DIXDC1: variants seen among roughly 807,000 people sequenced by gnomAD.
DIXDC1 encodes dixin.
DIXDC1 carries 64 observed loss-of-function variants against 103.1 expected under a neutral mutation model. The observed-to-expected ratio is 0.62, with a 90% CI of 0.51 to 0.76. DIXDC1 has a LOEUF of 0.76. Among genes scored for constraint, DIXDC1 ranks in the 30% least tolerant of loss-of-function variants. The probability of loss-of-function intolerance (pLI) is 0.00; values close to 1 mark genes in which losing one functional copy is unlikely to be tolerated. For synonymous variants in DIXDC1, 266 were observed against 298.5 expected (o/e 0.89, Z 1.12); for missense variants, 759 against 834.2 (o/e 0.91, Z 1.11).
upstream of DIXDC1, chr11:111,937,234 G>A (rs1471136213): frequency 1.0e-5 from 12 of 1,183,332 alleles, no homozygotes; most frequent in African/African-American, 1.6e-5. Flanking sequence ...GGGGCAGCCC[G>A]GCAGCGCCGC....
intron 5 of DIXDC1, 47 bp downstream of exon 5, chr11:111,975,030 C>A: frequency 6.4e-7 from 1 of 1,574,306 alleles, no homozygotes; most frequent in South Asian, 1.2e-5. Flanking sequence ...TCTCGGAGTT[C>A]TCGGCTTCAA....
At position 111,968,626 on chromosome 11, in the gene DIXDC1, A is replaced by C; in HGVS notation, c.304A>C (p.Thr102Pro). Reference protein sequence around the residue: ...VASKKIRMHQTSAKDIVDGNL... With the variant: ...VASKKIRMHQPSAKDIVDGNL... ...CTCTAAAAAGATTCGTATGCACCAG[A>C]CTTCGGCTAAAGGTCAGTGCCTCAT... The change falls in exon 3 of 20, where the codon ACT becomes CCT. Residue 102 changes from threonine (T) to proline (P), a missense_variant. By Grantham distance (38) the Thr-to-Pro change is conservative. Around this residue, in one of 3 missense-constraint regions of DIXDC1, gnomAD observed 657 missense variants for 727.5 expected, o/e 0.90. Coordinates refer to ENST00000440460, the MANE Select transcript of DIXDC1 (RefSeq NM_001037954.4). 10 of 1,609,024 alleles carry C rather than the reference A, an allele frequency of 6.2e-6. No homozygotes were observed. Among genetic ancestry groups the C allele is most frequent in the Non-Finnish European group, 8.5e-6 (10 of 1,177,546 alleles).
At position 112,017,676 on chromosome 11, in the gene DIXDC1, C is replaced by A; in HGVS notation, c.1863-101C>A. On this transcript the variant is annotated intron_variant, in intron 18 of 19. Transcript: ENST00000440460. The surrounding 1 kb of genome is among the most constrained non-coding windows in gnomAD (Gnocchi z 4.0). Reference sequence around the variant, plus strand: ...GCAGTGACCTAACAAGGGGCTATTTCTGCTTATTGACTTTGGCAGGGGGCT... The same window carrying A: ...GCAGTGACCTAACAAGGGGCTATTTATGCTTATTGACTTTGGCAGGGGGCT... The A allele has an allele frequency of 1.1e-6, 1 of 933,570 alleles. No homozygotes were observed. 57.8% of individuals were successfully genotyped at this position (933,570 alleles called of 1,614,324 possible).
intron 1 of DIXDC1, among the ~76,000 whole-genome samples, chr11:111,959,475 G>A (rs1859500683): frequency 6.6e-6 from 1 of 152,232 alleles, no homozygotes; most frequent in African/African-American, 2.4e-5. Context: ...CACAGTCAGT[G>A]TTTCTGGCTG....
chr11:111,988,173 G>GT (rs1183480728), intron 9 of DIXDC1, among the ~76,000 whole-genome samples: 2 of 151,722 alleles, frequency 1.3e-5, no homozygotes, highest in South Asian at 2.1e-4. Context: ...TAATTTTTGT[G>GT]TTTTTTGTAT....
In DIXDC1 at chr11:112,017,071, A is replaced by T. The variant is rs587696002; in HGVS notation, c.1862+275A>T. 6.6e-6 allele frequency among the ~76,000 whole-genome samples: 1 copy of T among 152,112 alleles called. No individual in the cohort carries two copies. The highest frequency in any genetic ancestry group is 1.9e-4 in the East Asian group (1 of 5,184). On this transcript the variant is annotated intron_variant, in intron 18 of 19. Coordinates refer to ENST00000440460, the MANE Select transcript of DIXDC1 (RefSeq NM_001037954.4). The surrounding 1 kb of genome is among the most constrained non-coding windows in gnomAD (Gnocchi z 4.0). ...TGCAAATATGGCTCTGCATTTGGGA[A>T]AATCTTTTTTTTTTTTTTTAAGTGT...
At chr11:111,982,306 A>G (rs781876375) in intron 6 of DIXDC1, 33 bp from the exon 7 acceptor site, 2 of 1,600,392 alleles carry the variant, frequency 1.2e-6, no homozygotes, top group Non-Finnish European at 8.5e-7. Context: ...GTTTTCTTCA[A>G]CATGAACTGT....
At chr11:112,008,144 AAAAG>A (rs1305190075) in intron 17 of DIXDC1, among the ~76,000 whole-genome samples, 111 of 151,886 alleles carry the variant, frequency 7.3e-4, no homozygotes, top group African/African-American at 2.6e-3. Context: ...AAAAAAAAAA[AAAAG>A]AAAAGCAGGG....
chr11:111,983,367 T>G (rs1860385395), intron 7 of DIXDC1, among the ~76,000 whole-genome samples: 1 of 152,212 alleles, frequency 6.6e-6, no homozygotes, highest in Non-Finnish European at 1.5e-5. Flanking sequence ...ATTGGTGCTG[T>G]GGCAAAGCAA....
rs140157600 is a variant in DIXDC1, at chr11:111,966,654, C to T, written c.191-1859C>T. 1.2e-4 allele frequency among the ~76,000 whole-genome samples: 18 copies of T among 152,256 alleles called. No homozygotes were observed. In the East Asian group the frequency reaches 2.7e-3, roughly 23 times the overall value. ...TCTTGACCTCGTGATCTGCCTGCCTCGGCCTCCCACAGTGCTGGGATTACA... is the reference window on the plus strand; with the variant it reads ...TCTTGACCTCGTGATCTGCCTGCCTTGGCCTCCCACAGTGCTGGGATTACA... On this transcript the variant is annotated intron_variant, in intron 2 of 19. Transcript: ENST00000440460.
chr11:111,965,469 G>A (rs962320071), intron 2 of DIXDC1, among the ~76,000 whole-genome samples: 2 of 152,180 alleles, frequency 1.3e-5, no homozygotes, highest in Admixed American at 6.5e-5. Flanking sequence ...TTGAGTTCTT[G>A]AGGGATATAG....
intron 17 of DIXDC1, among the ~76,000 whole-genome samples, chr11:112,010,459 G>A (rs1050945452): frequency 2.0e-5 from 3 of 152,120 alleles, no homozygotes; most frequent in African/African-American, 4.8e-5. Flanking sequence ...CTACTTTAAA[G>A]TTCATATGGA....
chr11:111,929,913 A>G lies in DIXDC1; in HGVS notation c.57+3A>G, dbSNP rs1250647539. 5 of 1,535,714 alleles carry G rather than the reference A, an allele frequency of 3.3e-6. No individual in the cohort carries two copies. In the African/African-American group the frequency reaches 6.8e-5, roughly 21 times the overall value. ...CCTTGCTGCCAACAGAGCCTTCTGT[A>G]AGTTTTTGGTGTACTATTGTGAAAA... On this transcript the variant is annotated splice_donor_region_variant and intron_variant, in intron 2 of 5. Coordinates refer to the DIXDC1 transcript ENST00000529225.
At chr11:111,963,751 A>G (rs1859645715) in intron 1 of DIXDC1, among the ~76,000 whole-genome samples, 1 of 152,218 alleles carries the variant, frequency 6.6e-6, no homozygotes, top group African/African-American at 2.4e-5. Context: ...TAAGGTTTCC[A>G]AGGGTTGGAA....
chr11:111,967,583 G>C (rs1859780270), intron 2 of DIXDC1, among the ~76,000 whole-genome samples: 1 of 152,104 alleles, frequency 6.6e-6, no homozygotes, highest in African/African-American at 2.4e-5. Context: ...TTTCCACGCA[G>C]AGTCCATTTT....
At chr11:111,930,836 CTT>C (rs1965986629) in intron 2 of DIXDC1, among the ~76,000 whole-genome samples, 1 of 134,496 alleles carries the variant, frequency 7.4e-6, no homozygotes, top group Non-Finnish European at 1.6e-5. Flanking sequence ...TCCTTTCTTT[CTT>C]TCTTTCTTTC....
intron 1 of DIXDC1, among the ~76,000 whole-genome samples, chr11:111,950,522 C>A (rs60559042): frequency 0.027 from 3,371 of 126,516 alleles, 143 homozygotes; most frequent in African/African-American, 0.09. Context: ...ATGGCATGAT[C>A]TTGGCTCACT....
intron 9 of DIXDC1, 192 bp from the exon 10 acceptor site, chr11:111,988,813 G>C (rs1555174164): frequency 7.0e-6 from 3 of 428,844 alleles, no homozygotes; most frequent in Non-Finnish European, 1.2e-5. Context: ...GGGAAGAACG[G>C]AATGGTTCTC....
chr11:111,992,662 C>G, intron 11 of DIXDC1, 143 bp downstream of exon 11: 1 of 756,592 alleles, frequency 1.3e-6, no homozygotes, highest in South Asian at 1.8e-5. Flanking sequence ...TATTTTTATT[C>G]CCCATTAGAC....
Sources: allele counts gnomAD v4.1 joint callset (sites outside exome capture counted in the v4.1 genomes callset), GRCh38; gene constraint gnomAD v4.1.1; regional missense constraint gnomAD v4.1.1; non-coding constraint Gnocchi (gnomAD v3.1); transcripts MANE v1.5; gene names NCBI Gene and HGNC (gene_info 2026-07-23, HGNC 2026-07-21).